ADAM2: variants seen among roughly 807,000 people sequenced by gnomAD.
The protein encoded by ADAM2 is ADAM metallopeptidase domain 2, also known as disintegrin and metalloproteinase domain-containing protein 2.
A neutral mutation model predicts 99.3 loss-of-function variants in ADAM2; 101 were observed. The ratio of observed to expected loss-of-function variants is 1.02; its 90% CI spans 0.87 to 1.20. ADAM2 has a LOEUF of 1.20. Ranked by LOEUF, ADAM2 falls within the 50% of genes most tolerant of loss-of-function variation. ADAM2 has a pLI of 0.00. For missense variants in ADAM2, 948 were observed against 878.7 expected (o/e 1.08, Z -1.00); for synonymous variants, 323 against 287.6 (o/e 1.12, Z -1.25).
At chr8:39,797,144 A>AT (rs1316406335) in intron 7 of ADAM2, among the ~76,000 whole-genome samples, 1 of 152,092 alleles carries the variant, frequency 6.6e-6, no homozygotes, top group Non-Finnish European at 1.5e-5. Flanking sequence ...CCTGAATGGT[A>AT]TTGCCTAGGT....
intron 11 of ADAM2, among the ~76,000 whole-genome samples, chr8:39,774,078 G>A (rs560375129): frequency 6.6e-5 from 10 of 151,856 alleles, no homozygotes; most frequent in Non-Finnish European, 1.2e-4. Context: ...TGTATCAACA[G>A]AATAAAGTAG....
At chr8:39,827,537 A>AT (rs1805459453) in intron 3 of ADAM2, among the ~76,000 whole-genome samples, 1 of 152,198 alleles carries the variant, frequency 6.6e-6, no homozygotes, top group Non-Finnish European at 1.5e-5. Context: ...GCACAATGGA[A>AT]TACTAGGCAG....
At chr8:39,796,653 C>T (rs1030992277) in intron 7 of ADAM2, among the ~76,000 whole-genome samples, 2 of 152,210 alleles carry the variant, frequency 1.3e-5, no homozygotes, top group Admixed American at 6.5e-5. Flanking sequence ...TTTACATTCC[C>T]ACCAATAGTG....
chr8:39,759,076 A>G (rs978706130), intron 15 of ADAM2, among the ~76,000 whole-genome samples: 5 of 152,258 alleles, frequency 3.3e-5, no homozygotes, highest in East Asian at 1.9e-4. Context: ...CAGGGTCTCA[A>G]TATAACTCCT....
chr8:39,767,151 A>C lies in ADAM2; in HGVS notation c.1311+2T>G. 1 of 1,605,888 alleles carries C rather than the reference A, an allele frequency of 6.2e-7. No individual in the cohort carries two copies. Among genetic ancestry groups the C allele is most frequent in the Non-Finnish European group, 8.5e-7 (1 of 1,177,972 alleles). ...TATTGAAATTTTTCAAAAAGCTCTTACTAGACAGTTTTCGCAGCATGGTCC... is the reference window on the plus strand; with the variant it reads ...TATTGAAATTTTTCAAAAAGCTCTTCCTAGACAGTTTTCGCAGCATGGTCC... On this transcript the variant is annotated splice_donor_variant, in intron 13 of 20. Coordinates refer to ENST00000265708, the MANE Select transcript of ADAM2 (RefSeq NM_001464.5). LOFTEE classifies it high-confidence loss of function.
chr8:39,816,158 G>A (rs1184367666), intron 6 of ADAM2, among the ~76,000 whole-genome samples: 5 of 152,046 alleles, frequency 3.3e-5, no homozygotes, highest in Non-Finnish European at 5.9e-5. Flanking sequence ...TTAGCCGAGC[G>A]TGGTGGTGTG....
chr8:39,752,336 G>A (rs1183936451), intron 16 of ADAM2, among the ~76,000 whole-genome samples: 1 of 152,148 alleles, frequency 6.6e-6, no homozygotes, highest in Non-Finnish European at 1.5e-5. Context: ...AACATTATAG[G>A]AGCTCTGGCA....
At chr8:39,761,907 C>G (rs1442612097) in intron 14 of ADAM2, among the ~76,000 whole-genome samples, 1 of 152,106 alleles carries the variant, frequency 6.6e-6, no homozygotes, top group African/African-American at 2.4e-5. Context: ...CAGTGAAACC[C>G]CGTCTCTACT....
At chr8:39,800,720 AT>A (rs1804171542) in intron 7 of ADAM2, among the ~76,000 whole-genome samples, 1 of 151,982 alleles carries the variant, frequency 6.6e-6, no homozygotes, top group African/African-American at 2.4e-5. Context: ...GGCTTTGTTC[AT>A]TCCTTTTCAT....
rs1805192790 is a variant in ADAM2 at position 39,821,632 on chromosome 8, C to T, written c.298G>A (p.Gly100Ser). Residue 100 changes from glycine to serine, a missense_variant, in exon 5 of 21, where the codon GGT becomes AGT. By Grantham distance (56) the Gly-to-Ser change is moderately conservative. Coordinates refer to ENST00000265708, the MANE Select transcript of ADAM2 (RefSeq NM_001464.5). ...ACCATCACCACAGATTTTGGATAAC[C>T]TTCAATATACCCTTGGTAGTGGCAG... ...NFCHYQGYIE[G>S]YPKSVVMVST... The T allele has an allele frequency of 3.7e-6, 6 of 1,607,816 alleles. No homozygotes were observed. Among genetic ancestry groups the T allele is most frequent in the Non-Finnish European group, 5.1e-6 (6 of 1,175,048 alleles).
intron 20 of ADAM2, 21 bp downstream of exon 20, chr8:39,744,809 A>G: frequency 1.3e-6 from 2 of 1,506,522 alleles, no homozygotes; most frequent in Non-Finnish European, 1.8e-6. Context: ...AATAAATTTT[A>G]AAAAAATGAA....
At chr8:39,757,968 T>C (rs1029536528) in intron 15 of ADAM2, among the ~76,000 whole-genome samples, 1 of 152,162 alleles carries the variant, frequency 6.6e-6, no homozygotes, top group Non-Finnish European at 1.5e-5. Context: ...AAGGAAAATA[T>C]AGTCATAATA....
At chr8:39,790,509 G>T (rs961977257) in intron 7 of ADAM2, among the ~76,000 whole-genome samples, 1 of 151,912 alleles carries the variant, frequency 6.6e-6, no homozygotes, top group Non-Finnish European at 1.5e-5. Flanking sequence ...GTGATTGCTT[G>T]GCCTGTGGTA....
Position 39,833,818 on chromosome 8 carries a change from A to G in ADAM2, c.188+126T>C. ...CATATATAGGCTTAAATCATATGAT[A>G]AGGGATGAATGAATGGCAAGAAGCT... On this transcript the variant is annotated intron_variant, in intron 3 of 20. Coordinates refer to ENST00000265708, the MANE Select transcript of ADAM2 (RefSeq NM_001464.5). The G allele has an allele frequency of 4.5e-6, 3 of 665,944 alleles. No homozygotes were observed. In the South Asian group the frequency reaches 5.1e-5, roughly 11 times the overall value. The allele number at this position is 665,944 out of a possible 1,614,324, so 41.3% of individuals were successfully genotyped here.
chr8:39,783,460 C>T (rs2129585039), intron 10 of ADAM2, among the ~76,000 whole-genome samples: 1 of 152,064 alleles, frequency 6.6e-6, no homozygotes, highest in African/African-American at 2.4e-5. Context: ...ATTATGATTG[C>T]TATCTTCCCC....
chr8:39,771,340 T>A lies in ADAM2; in HGVS notation c.1029-1765A>T, dbSNP rs144611692. Among the ~76,000 whole-genome samples, 219 of 152,328 alleles carry A rather than the reference T, an allele frequency of 1.4e-3. 1 individual carries two copies. Among genetic ancestry groups the A allele is most frequent in the African/African-American group, 5.1e-3 (214 of 41,576 alleles). Reference sequence around the variant, plus strand: ...TTCCCCTTACTGACATTTGTTTTACTTCAGAATATTTACCAACAACTGGAA... The same window carrying A: ...TTCCCCTTACTGACATTTGTTTTACATCAGAATATTTACCAACAACTGGAA... On this transcript the variant is annotated intron_variant, in intron 11 of 20. Coordinates refer to ENST00000265708, the MANE Select transcript of ADAM2 (RefSeq NM_001464.5).
intron 7 of ADAM2, among the ~76,000 whole-genome samples, chr8:39,807,022 C>A (rs972176993): frequency 3.3e-5 from 5 of 152,166 alleles, no homozygotes; most frequent in Admixed American, 1.3e-4. Flanking sequence ...ATCGGAGCCA[C>A]TGCCTTAATT....
At chr8:39,785,014 CTG>C (rs1193946529) in intron 10 of ADAM2, among the ~76,000 whole-genome samples, 1 of 152,102 alleles carries the variant, frequency 6.6e-6, no homozygotes, top group Non-Finnish European at 1.5e-5. Flanking sequence ...TCTGTTTACT[CTG>C]TTGATATTTC....
rs537494753 is a variant in ADAM2 at position 39,771,686 on chromosome 8, G to A, written c.1029-2111C>T. ...ATTTTTGAAAAAACTAACAGTGTTG[G>A]TATGACTTTTTGTGTGGTTGCATCC... On this transcript the variant is annotated intron_variant, in intron 11 of 20. Coordinates refer to ENST00000265708, the MANE Select transcript of ADAM2 (RefSeq NM_001464.5). Among the ~76,000 whole-genome samples the A allele has an allele frequency of 7.6e-4, 116 of 152,038 alleles. 2 individuals carry two copies. The highest frequency in any genetic ancestry group is 8.7e-4 in the Non-Finnish European group (59 of 67,972).
Sources: gnomAD v4.1 joint callset for allele counts (sites outside exome capture counted in the v4.1 genomes callset) on GRCh38, gnomAD v4.1.1 for gene constraint, MANE v1.5 for transcripts, NCBI Gene and HGNC (gene_info 2026-07-23, HGNC 2026-07-21) for gene names.